The following PTPRD variants were observed in gnomAD, a reference collection of about 807,000 sequenced individuals.
PTPRD encodes protein tyrosine phosphatase receptor type D.
In PTPRD, 34 loss-of-function variants were observed where a neutral mutation model predicts 214.5. The ratio of observed to expected loss-of-function variants is 0.16; its 90% CI spans 0.12 to 0.21. PTPRD has a LOEUF of 0.21. Among genes scored for constraint, PTPRD ranks in the 10% least tolerant of loss-of-function variants. The probability of loss-of-function intolerance (pLI) is 1.00; values close to 1 mark genes in which losing one functional copy is unlikely to be tolerated. For synonymous variants in PTPRD, 1,128 were observed against 845.7 expected, an observed-to-expected ratio of 1.33 and a Z score of -5.79; for missense variants, 2,545 against 2,398.7, an observed-to-expected ratio of 1.06 and a Z score of -1.27.
chr9:9,336,831 A>G (rs960566590), intron 9 of PTPRD, among the ~76,000 whole-genome samples: 1 of 152,128 alleles, frequency 6.6e-6, no homozygotes, highest in Non-Finnish European at 1.5e-5. Flanking sequence ...TTTAAGTCTC[A>G]TCTTTGTGAT....
At chr9:10,184,171 A>G (rs139305281) in intron 3 of PTPRD, among the ~76,000 whole-genome samples, 27 of 152,218 alleles carry the variant, frequency 1.8e-4, no homozygotes, top group African/African-American at 5.5e-4. Flanking sequence ...TTGCCTGTTA[A>G]CCCAGTATTT....
intron 37 of PTPRD, among the ~76,000 whole-genome samples, chr9:8,377,180 T>C (rs1344214337): frequency 1.3e-5 from 2 of 152,084 alleles, no homozygotes; most frequent in East Asian, 3.9e-4. Context: ...AAAGTAGAAA[T>C]AATTGGAAAA....
chr9:10,002,673 G>C (rs150243469), intron 4 of PTPRD, among the ~76,000 whole-genome samples: 1,586 of 150,016 alleles, frequency 0.011, 24 homozygotes, highest in African/African-American at 0.035. Context: ...TAATGACAGA[G>C]TCTCAAAATA....
chr9:8,371,695 GT>G (rs1167111219), intron 39 of PTPRD, among the ~76,000 whole-genome samples: 4 of 152,012 alleles, frequency 2.6e-5, no homozygotes, highest in Non-Finnish European at 4.4e-5. Context: ...AAATTATCGT[GT>G]ATATCAACAA....
intron 7 of PTPRD, among the ~76,000 whole-genome samples, chr9:9,587,106 G>A (rs1227253983): frequency 6.6e-6 from 1 of 151,666 alleles, no homozygotes. Flanking sequence ...TGTAAAGAGG[G>A]GAGACAAAAA....
intron 5 of PTPRD, among the ~76,000 whole-genome samples, chr9:9,797,404 ATTGT>A (rs1251687460): frequency 6.6e-6 from 1 of 151,946 alleles, no homozygotes; most frequent in African/African-American, 2.4e-5. Flanking sequence ...GAAGGTAATT[ATTGT>A]TTAAGAAAGT....
chr9:8,429,063 T>C (rs2094878964), intron 35 of PTPRD, among the ~76,000 whole-genome samples: 1 of 152,352 alleles, frequency 6.6e-6, no homozygotes. Context: ...TAGCATGTCA[T>C]AGAGAACCAC....
chr9:10,407,330 CAAG>C (rs1215001482), intron 2 of PTPRD, among the ~76,000 whole-genome samples: 2 of 151,478 alleles, frequency 1.3e-5, no homozygotes, highest in East Asian at 3.9e-4. Context: ...AAATGCCACT[CAAG>C]ACACACAGAT....
At chr9:9,133,130 G>T (rs2099845385) in intron 10 of PTPRD, among the ~76,000 whole-genome samples, 1 of 152,032 alleles carries the variant, frequency 6.6e-6, no homozygotes, top group Admixed American at 6.5e-5. Context: ...AGTGGTTTCT[G>T]TATTTGGCTA....
chr9:9,282,563 T>G (rs1413940756), intron 9 of PTPRD, among the ~76,000 whole-genome samples: 2 of 151,390 alleles, frequency 1.3e-5, no homozygotes, highest in Non-Finnish European at 3.0e-5. Flanking sequence ...CTAGGTTTGA[T>G]TCTGACTGCA....
intron 6 of PTPRD, among the ~76,000 whole-genome samples, chr9:9,765,692 G>T (rs536296170): frequency 2.0e-5 from 3 of 152,076 alleles, no homozygotes; most frequent in Non-Finnish European, 4.4e-5. Context: ...ACGGAGTCTC[G>T]CTCTGTCGCC....
At chr9:10,205,268 T>C (rs1257273670) in intron 3 of PTPRD, among the ~76,000 whole-genome samples, 2 of 152,054 alleles carry the variant, frequency 1.3e-5, no homozygotes, top group Non-Finnish European at 2.9e-5. Flanking sequence ...AAACTTTAAA[T>C]TTATGTAACA....
chr9:9,765,562 G>C (rs1245079319), intron 6 of PTPRD, among the ~76,000 whole-genome samples: 2 of 152,186 alleles, frequency 1.3e-5, no homozygotes, highest in African/African-American at 2.4e-5. Context: ...AGAAACCCTT[G>C]TCAGACATTG....
chr9:8,629,581 T>C (rs766283970), intron 14 of PTPRD, among the ~76,000 whole-genome samples: 1 of 151,774 alleles, frequency 6.6e-6, no homozygotes, highest in Non-Finnish European at 1.5e-5. Context: ...ATTCCACAAT[T>C]AGTTAAGGCA....
intron 11 of PTPRD, among the ~76,000 whole-genome samples, chr9:8,980,681 T>C (rs1438478314): frequency 6.6e-6 from 1 of 152,056 alleles, no homozygotes; most frequent in Non-Finnish European, 1.5e-5. Context: ...GGCATTCCAT[T>C]AGGAAGAGAC....
chr9:10,023,110 A>G lies in PTPRD; in HGVS notation c.-472+10608T>C, dbSNP rs1054598111. On this transcript the variant is annotated intron_variant, in intron 4 of 45. Coordinates refer to ENST00000381196, the MANE Select transcript of PTPRD (RefSeq NM_002839.4). Reference sequence around the variant, plus strand: ...CAAATGAAAGGAAGATTTTTGACACATTGATTATAAGCAAAACTTATTTAG... The same window carrying G: ...CAAATGAAAGGAAGATTTTTGACACGTTGATTATAAGCAAAACTTATTTAG... Among the ~76,000 whole-genome samples, 3 of 151,752 alleles carry G rather than the reference A, an allele frequency of 2.0e-5. No homozygotes were observed. In the East Asian group the frequency reaches 5.8e-4, roughly 29 times the overall value.
chr9:9,953,935 T>TG (rs2093673135), intron 4 of PTPRD, among the ~76,000 whole-genome samples: 1 of 152,130 alleles, frequency 6.6e-6, no homozygotes, highest in Non-Finnish European at 1.5e-5. Flanking sequence ...TTCTTTGCTG[T>TG]GTTTTTTAAA....
intron 5 of PTPRD, among the ~76,000 whole-genome samples, chr9:9,879,162 C>G (rs1051937361): frequency 6.6e-6 from 1 of 152,192 alleles, no homozygotes; most frequent in Non-Finnish European, 1.5e-5. Flanking sequence ...GTATGAAGGA[C>G]TAGAGAAATT....
At chr9:10,261,093 A>G (rs1595604099) in intron 3 of PTPRD, among the ~76,000 whole-genome samples, 1 of 147,618 alleles carries the variant, frequency 6.8e-6, no homozygotes, top group African/African-American at 2.5e-5. Flanking sequence ...ATATATATAT[A>G]TATAGAGAGA....
Sources: allele counts gnomAD v4.1 joint callset (sites outside exome capture counted in the v4.1 genomes callset), GRCh38; gene constraint gnomAD v4.1.1; transcripts MANE v1.5; gene names NCBI Gene and HGNC (gene_info 2026-07-23, HGNC 2026-07-21).